Variants in EHBP1 observed in about 807,000 individuals in gnomAD.
EHBP1 encodes EH domain binding protein 1.
EHBP1 carries 55 observed loss-of-function variants against 144.0 expected under a neutral mutation model. The ratio of observed to expected loss-of-function variants is 0.38; its 90% confidence interval spans 0.31 to 0.48. The LOEUF is 0.48. Ranked by LOEUF, EHBP1 falls within the 20% of genes least tolerant of loss-of-function variation. EHBP1 has a pLI of 0.98. For synonymous variants in EHBP1, 469 were observed against 472.7 expected, an observed-to-expected ratio of 0.99 and a Z score of 0.10; for missense variants, 1,200 against 1,364.2, an observed-to-expected ratio of 0.88 and a Z score of 1.90.
intron 2 of EHBP1, among the ~76,000 whole-genome samples, chr2:62,734,580 A>G (rs760426282): frequency 1.3e-5 from 2 of 152,190 alleles, no homozygotes; most frequent in East Asian, 1.9e-4. Context: ...AAAACATACA[A>G]TTGGGTCTTG....
At chr2:62,878,920 A>T (rs1162230466) in intron 10 of EHBP1, among the ~76,000 whole-genome samples, 2 of 151,812 alleles carry the variant, frequency 1.3e-5, no homozygotes, top group African/African-American at 2.4e-5. Context: ...TGGGAGGCTG[A>T]GGCAAGAGAA....
In EHBP1 at chr2:62,754,829, T is replaced by C. The variant is rs1373511473; in HGVS notation, c.162+7377T>C. On this transcript the variant is annotated intron_variant, in intron 3 of 22. Transcript: ENST00000431489. ...CTCCTGGTGTGCCGTTTGCTAAGAT[T>C]GTTGGGAAAGCGCAGTATGAGGGTG... Among the ~76,000 whole-genome samples the C allele has an allele frequency of 2.0e-5, 3 of 152,146 alleles. No individual in the cohort carries two copies. In the East Asian group the frequency reaches 5.8e-4, roughly 29 times the overall value.
At chr2:62,856,515 C>T (rs1573738695) in intron 7 of EHBP1, among the ~76,000 whole-genome samples, 1 of 152,234 alleles carries the variant, frequency 6.6e-6, no homozygotes, top group South Asian at 2.1e-4. Flanking sequence ...CACTCACTCA[C>T]ACTACCCTCA....
chr2:62,828,106 A>G (rs2046477646), intron 6 of EHBP1, among the ~76,000 whole-genome samples: 1 of 152,178 alleles, frequency 6.6e-6, no homozygotes, highest in Non-Finnish European at 1.5e-5. Context: ...TAAAAAGGGG[A>G]AATGACTTTG....
intron 18 of EHBP1, among the ~76,000 whole-genome samples, chr2:62,996,195 C>T (rs1235411145): frequency 6.6e-6 from 1 of 152,026 alleles, no homozygotes; most frequent in Non-Finnish European, 1.5e-5. Flanking sequence ...ATTTATCTGA[C>T]TCTCTCAGGT....
At chr2:62,821,990 C>G (rs2046017595) in intron 5 of EHBP1, among the ~76,000 whole-genome samples, 1 of 152,198 alleles carries the variant, frequency 6.6e-6, no homozygotes, top group South Asian at 2.1e-4. Context: ...CAATCCAATT[C>G]TTTCCGTTAT....
intron 10 of EHBP1, among the ~76,000 whole-genome samples, chr2:62,916,362 C>T (rs902774972): frequency 2.1e-4 from 32 of 151,936 alleles, no homozygotes; most frequent in African/African-American, 4.8e-4. Context: ...GAGGCCAAGG[C>T]GGGTAGATCA....
chr2:62,948,883 T>C lies in EHBP1; in HGVS notation c.2037T>C (p.Ile679=), dbSNP rs375996438. 5 of 1,613,952 alleles carry C rather than the reference T, an allele frequency of 3.1e-6. No homozygotes were observed. Among genetic ancestry groups the C allele is most frequent in the Non-Finnish European group, 4.2e-6 (5 of 1,179,948 alleles). ...DKKKDMSPPF[I]CEETDEQKLQ... is the part of the protein sequence containing the mutation. ...AGAAGGATATGTCTCCACCCTTTATTTGTGAGGAGACAGATGAACAAAAGC... is the reference window on the plus strand; with the variant it reads ...AGAAGGATATGTCTCCACCCTTTATCTGTGAGGAGACAGATGAACAAAAGC... The change falls in exon 13 of 23, where the codon ATT becomes ATC. Residue 679 remains isoleucine (I), a synonymous_variant. Coordinates refer to ENST00000431489, the MANE Select transcript of EHBP1 (RefSeq NM_001142616.3).
At chr2:62,802,721 T>A in intron 5 of EHBP1, among the ~76,000 whole-genome samples, 1 of 137,560 alleles carries the variant, frequency 7.3e-6, no homozygotes, top group African/African-American at 2.8e-5. Flanking sequence ...GGATCATACT[T>A]TTTTTTTTTT....
intron 5 of EHBP1, among the ~76,000 whole-genome samples, chr2:62,788,257 T>TA (rs2042945496): frequency 6.6e-6 from 1 of 152,206 alleles, no homozygotes; most frequent in Admixed American, 6.5e-5. Flanking sequence ...TATTCCAATA[T>TA]AAAATATTTG....
rs777274434 is a variant in EHBP1 at position 62,769,416 on chromosome 2, A to C, written c.259-1923A>C. ...ACACAATCCCATTTATAATTGCCCCAAAAATAATAAAATACCTAGGAATAC... is the reference window on the plus strand; with the variant it reads ...ACACAATCCCATTTATAATTGCCCCCAAAATAATAAAATACCTAGGAATAC... On this transcript the variant is annotated intron_variant, in intron 4 of 22. Coordinates refer to ENST00000431489, the MANE Select transcript of EHBP1 (RefSeq NM_001142616.3). Among the ~76,000 whole-genome samples the C allele has an allele frequency of 1.2e-3, 179 of 152,300 alleles. 1 individual carries two copies. The highest frequency in any genetic ancestry group is 1.3e-3 in the Non-Finnish European group (89 of 68,016).
intron 19 of EHBP1, among the ~76,000 whole-genome samples, chr2:63,006,999 G>A (rs2060064795): frequency 6.6e-6 from 1 of 151,794 alleles, no homozygotes; most frequent in Non-Finnish European, 1.5e-5. Flanking sequence ...AGCTAGCCAG[G>A]CTGTAAGTAT....
chr2:62,705,009 A>G (rs1413214250), upstream of EHBP1, among the ~76,000 whole-genome samples: 1 of 152,174 alleles, frequency 6.6e-6, no homozygotes, highest in East Asian at 1.9e-4. Context: ...AAGACTCCGA[A>G]CAATAAGAAA....
chr2:62,990,958 G>T (rs1275169090), intron 16 of EHBP1, 118 bp downstream of exon 16: 3 of 1,297,178 alleles, frequency 2.3e-6, no homozygotes. Flanking sequence ...TAAGATTAGG[G>T]TATAAGAAAT....
chr2:62,856,909 A>G (rs1026511206), intron 7 of EHBP1, among the ~76,000 whole-genome samples: 1 of 152,182 alleles, frequency 6.6e-6, no homozygotes, highest in Non-Finnish European at 1.5e-5. Flanking sequence ...TATAATTACC[A>G]GGGTGGTTAA....
chr2:62,703,157 T>C (rs922244123), upstream of EHBP1, among the ~76,000 whole-genome samples: 3 of 151,822 alleles, frequency 2.0e-5, no homozygotes, highest in African/African-American at 7.3e-5. Context: ...ACCCTGTCTC[T>C]ACAAAAAGTA....
chr2:62,856,206 C>A (rs183765420), intron 7 of EHBP1, among the ~76,000 whole-genome samples: 1 of 152,318 alleles, frequency 6.6e-6, no homozygotes, highest in East Asian at 1.9e-4. Context: ...ACAAACAGGG[C>A]TGAAACATGC....
At chr2:62,811,256 TGA>T (rs2044982420) in intron 5 of EHBP1, among the ~76,000 whole-genome samples, 1 of 152,192 alleles carries the variant, frequency 6.6e-6, no homozygotes, top group African/African-American at 2.4e-5. Flanking sequence ...TCTTTTTGGT[TGA>T]GAGAGCTTCC....
chr2:63,025,943 T>C (rs549892378), intron 19 of EHBP1, among the ~76,000 whole-genome samples: 3 of 152,248 alleles, frequency 2.0e-5, no homozygotes, highest in African/African-American at 7.2e-5. Context: ...GGGTTTGCAA[T>C]TGAGTAGCTG....
Sources: allele counts gnomAD v4.1 joint callset (sites outside exome capture counted in the v4.1 genomes callset), GRCh38; gene constraint gnomAD v4.1.1; transcripts MANE v1.5; gene names NCBI Gene and HGNC (gene_info 2026-07-23, HGNC 2026-07-21).